SIPA1L2: variants seen among roughly 807,000 people sequenced by gnomAD.
SIPA1L2 encodes the protein signal induced proliferation associated 1 like 2.
A neutral mutation model predicts 163.9 loss-of-function variants in SIPA1L2; 56 were observed. The observed-to-expected ratio is 0.34, with a 90% confidence interval of 0.28 to 0.43. SIPA1L2 has a LOEUF of 0.43. Among genes scored for constraint, SIPA1L2 ranks in the 20% least tolerant of loss-of-function variants. SIPA1L2 has a pLI of 1.00. For synonymous variants in SIPA1L2, 877 were observed against 865.7 expected, an observed-to-expected ratio of 1.01 and a Z score of -0.23; for missense variants, 1,974 against 2,193.5, an observed-to-expected ratio of 0.90 and a Z score of 2.00.
chr1:232,488,517 T>C (rs1572972884), intron 5 of SIPA1L2, among the ~76,000 whole-genome samples: 1 of 152,340 alleles, frequency 6.6e-6, no homozygotes, highest in East Asian at 1.9e-4. Context: ...AATGGGAATC[T>C]GATACCATTA....
At chr1:232,586,107 C>A (rs184187078) in intron 1 of SIPA1L2, among the ~76,000 whole-genome samples, 1 of 152,176 alleles carries the variant, frequency 6.6e-6, no homozygotes, top group African/African-American at 2.4e-5. Context: ...AAGCAAAGCA[C>A]AAGACTCGGT....
chr1:232,445,480 C>A (rs1663156758), intron 11 of SIPA1L2, 49 bp downstream of exon 11: 6 of 1,610,416 alleles, frequency 3.7e-6, no homozygotes, highest in Non-Finnish European at 5.1e-6. Context: ...CAAGTTCTCA[C>A]CCCAGTGATT....
intron 6 of SIPA1L2, among the ~76,000 whole-genome samples, chr1:232,480,852 C>G (rs1001213662): frequency 1.3e-5 from 2 of 151,972 alleles, no homozygotes; most frequent in African/African-American, 4.8e-5. Context: ...TTTAAAAACA[C>G]GAAAACATTC....
At chr1:232,458,982 A>C (rs1664079626) in intron 10 of SIPA1L2, among the ~76,000 whole-genome samples, 1 of 152,248 alleles carries the variant, frequency 6.6e-6, no homozygotes, top group South Asian at 2.1e-4. Context: ...GATACTCTAC[A>C]GAGAAAACTT....
rs1334738340 is a variant in SIPA1L2, at chr1:232,398,884, A to G, written c.*243T>C. 1 of 481,110 alleles carries G rather than the reference A, an allele frequency of 2.1e-6. No homozygotes were observed. Among genetic ancestry groups the G allele is most frequent in the Non-Finnish European group, 3.7e-6 (1 of 271,168 alleles). The allele number at this position is 481,110 out of a possible 1,614,324, so 29.8% of individuals were successfully genotyped here. Reference sequence around the variant, plus strand: ...AAAGAAAAAGGTCTCAACTGTCGCCAGGGTTTACATTCATCTTCACACCAG... The same window carrying G: ...AAAGAAAAAGGTCTCAACTGTCGCCGGGGTTTACATTCATCTTCACACCAG... On this transcript the variant is annotated 3_prime_UTR_variant, in exon 23 of 23. Coordinates refer to ENST00000674635, the MANE Select transcript of SIPA1L2 (RefSeq NM_020808.5).
chr1:232,596,307 A>T (rs1236489202), intron 1 of SIPA1L2, among the ~76,000 whole-genome samples: 1 of 152,188 alleles, frequency 6.6e-6, no homozygotes, highest in Admixed American at 6.5e-5. Context: ...ACATCACACT[A>T]GAAAAGCCTC....
rs1456009072 is a variant in SIPA1L2 at position 232,480,187 on chromosome 1, GTGTGTT to G, written c.1982-463_1982-458del. On this transcript the variant is annotated intron_variant, in intron 6 of 22. Coordinates refer to ENST00000674635, the MANE Select transcript of SIPA1L2 (RefSeq NM_020808.5). ...TGTGTGTGTGTGTGTGTGTGTGTGT[GTGTGTT>G]TTTACAGTTAATTCTTAGTTATTCT... is the stretch of plus-strand genomic sequence containing the variant. Among the ~76,000 whole-genome samples the G allele has an allele frequency of 9.6e-3, 1,303 of 136,096 alleles. 11 individuals carry two copies. The highest frequency in any genetic ancestry group is 0.029 in the South Asian group (125 of 4,266). 89.3% of individuals were successfully genotyped at this position (136,096 alleles called of 152,430 possible). A position where few individuals can be genotyped will look rare whatever the true frequency, so the allele number is the denominator to read the frequency against.
chr1:232,423,263 C>T (rs1001775845), intron 18 of SIPA1L2, among the ~76,000 whole-genome samples: 2 of 152,140 alleles, frequency 1.3e-5, no homozygotes, highest in African/African-American at 4.8e-5. Flanking sequence ...GGTCAACTTA[C>T]AATATTTTCA....
chr1:232,409,337 T>C (rs373720655), intron 19 of SIPA1L2, among the ~76,000 whole-genome samples: 3 of 152,340 alleles, frequency 2.0e-5, no homozygotes, highest in East Asian at 1.9e-4. Flanking sequence ...ATATTTCCGA[T>C]GGTTTACTTC....
At position 232,402,405 on chromosome 1, in the gene SIPA1L2, G is replaced by A; in HGVS notation, c.5009C>T (p.Thr1670Ile). ...QLELILRQLQ[T>I]DLRKEKQDKA... Reference sequence around the variant, plus strand: ...CCAATTGATTACCTTCCGAAGGTCGGTCTGGAGTTGTCGAAGAATTAATTC... The same window carrying A: ...CCAATTGATTACCTTCCGAAGGTCGATCTGGAGTTGTCGAAGAATTAATTC... Residue 1670 changes from threonine (T) to isoleucine (I), a missense_variant, in exon 22 of 23, where the codon ACC (threonine) becomes ATC (isoleucine). Coordinates refer to ENST00000674635, the MANE Select transcript of SIPA1L2 (RefSeq NM_020808.5). The A allele has an allele frequency of 1.2e-6, 2 of 1,613,472 alleles. No individual in the cohort carries two copies. The highest frequency in any genetic ancestry group is 1.7e-6 in the Non-Finnish European group (2 of 1,179,498).
rs373187720 is a variant in SIPA1L2, at chr1:232,413,444, G to A, written c.4762+2050C>T. ...TTTCTAGCAGTCATTCTGTTCTGAAGGAACATTTGAAAGGGGTGGAAGGGA... is the reference window on the plus strand; with the variant it reads ...TTTCTAGCAGTCATTCTGTTCTGAAAGAACATTTGAAAGGGGTGGAAGGGA... On this transcript the variant is annotated intron_variant, in intron 19 of 22. Coordinates refer to ENST00000674635, the MANE Select transcript of SIPA1L2 (RefSeq NM_020808.5). Among the ~76,000 whole-genome samples the A allele has an allele frequency of 4.9e-4, 75 of 152,246 alleles. 1 individual carries two copies. The South Asian group carries it at 9.4e-3, about 19-fold the overall frequency.
intron 1 of SIPA1L2, among the ~76,000 whole-genome samples, chr1:232,587,906 T>A (rs565308156): frequency 5.9e-5 from 9 of 152,334 alleles, no homozygotes; most frequent in Non-Finnish European, 1.0e-4. Flanking sequence ...TCTTCTCTTA[T>A]CTGCCGCCAT....
chr1:232,511,132 A>T (rs1366693589), intron 3 of SIPA1L2, among the ~76,000 whole-genome samples: 1 of 152,176 alleles, frequency 6.6e-6, no homozygotes, highest in Non-Finnish European at 1.5e-5. Context: ...ATATAATGTG[A>T]TACCTCTGCA....
intron 2 of SIPA1L2, among the ~76,000 whole-genome samples, chr1:232,528,102 A>ATATATATATATATATCTATC (rs34779799): frequency 2.5e-5 from 3 of 118,498 alleles, no homozygotes; most frequent in African/African-American, 1.0e-4. Flanking sequence ...ATATATATAT[A>ATATATATATATATATCTATC]ATCAACTTTC....
At position 232,584,850 on chromosome 1, in the gene SIPA1L2, T is replaced by C. The variant is rs112781486; in HGVS notation, c.-318-10628A>G. 1.8e-3 allele frequency among the ~76,000 whole-genome samples: 276 copies of C among 152,356 alleles called. 1 individual carries two copies. The highest frequency in any genetic ancestry group is 5.2e-3 in the African/African-American group (215 of 41,580). ...AAAAATAAATTTGTAGAAATTTGTC[T>C]GCAATAGGCTTGAGCACTTCTGGAA... On this transcript the variant is annotated intron_variant, in intron 1 of 22. Transcript: ENST00000674635.
At chr1:232,509,485 GC>G (rs1245484643) in intron 3 of SIPA1L2, among the ~76,000 whole-genome samples, 1 of 152,022 alleles carries the variant, frequency 6.6e-6, no homozygotes, top group East Asian at 1.9e-4. Context: ...GAAGGGAAAA[GC>G]AAAAAAGGGA....
intron 1 of SIPA1L2, among the ~76,000 whole-genome samples, chr1:232,579,813 C>G (rs1248207967): frequency 1.3e-5 from 2 of 152,106 alleles, no homozygotes; most frequent in Non-Finnish European, 2.9e-5. Flanking sequence ...GAACAGAAGT[C>G]TCACAAAACA....
intron 10 of SIPA1L2, among the ~76,000 whole-genome samples, chr1:232,459,855 T>C (rs955194511): frequency 2.6e-5 from 4 of 152,208 alleles, no homozygotes; most frequent in Non-Finnish European, 5.9e-5. Context: ...GGGGCAATTA[T>C]GCTAGAAGGT....
At chr1:232,568,340 T>A (rs1040969367) in intron 2 of SIPA1L2, among the ~76,000 whole-genome samples, 1 of 152,172 alleles carries the variant, frequency 6.6e-6, no homozygotes, top group Non-Finnish European at 1.5e-5. Context: ...CTGAGTTGAA[T>A]TAGAAGACAG....
Sources: gnomAD v4.1 joint callset for allele counts (sites outside exome capture counted in the v4.1 genomes callset) on GRCh38, gnomAD v4.1.1 for gene constraint, MANE v1.5 for transcripts, NCBI Gene and HGNC (gene_info 2026-07-23, HGNC 2026-07-21) for gene names.